KIF5C: variants seen among roughly 807,000 people sequenced by gnomAD.
The protein encoded by KIF5C is kinesin family member 5C.
KIF5C carries 18 observed loss-of-function variants against 125.2 expected under a neutral mutation model. That is an observed-to-expected ratio of 0.14 (90% CI 0.10 to 0.21). KIF5C has a LOEUF of 0.21. Ranked by LOEUF, KIF5C falls within the 10% of genes least tolerant of loss-of-function variation. The pLI is 1.00. For synonymous variants in KIF5C, 405 were observed against 434.0 expected (o/e 0.93, Z 0.83); for missense variants, 780 against 1,183.8 (o/e 0.66, Z 5.01).
At chr2:148,978,530 A>C in intron 12 of KIF5C, among the ~76,000 whole-genome samples, 1 of 152,076 alleles carries the variant, frequency 6.6e-6, no homozygotes, top group East Asian at 1.9e-4. Context: ...TTGGGATAAT[A>C]ACATATGACA....
chr2:148,959,348 G>T, intron 10 of KIF5C, among the ~76,000 whole-genome samples: 1 of 151,720 alleles, frequency 6.6e-6, no homozygotes, highest in African/African-American at 2.4e-5. Flanking sequence ...AACTGTCCTT[G>T]CTATTCTTTT....
rs907040933 is a variant in KIF5C at position 148,875,893 on chromosome 2, C to T, written c.126+150C>T. 2.5e-6 allele frequency: 3 copies of T among 1,197,396 alleles called. No homozygotes were observed. The African/African-American group carries it at 4.8e-5, about 19-fold the overall frequency. The allele number at this position is 1,197,396 out of a possible 1,614,324, so 74.2% of individuals were successfully genotyped here. A position where few individuals can be genotyped will look rare whatever the true frequency, so the allele number is the denominator to read the frequency against. On this transcript the variant is annotated intron_variant, in intron 1 of 25. Transcript: ENST00000435030. ...GTGGACCTGACCAGAGACCCCTCGC[C>T]CCGCGCACTATGGTTCCCTCCCGGG...
rs773226911 is a variant in KIF5C at position 148,875,720 on chromosome 2, G to A, written c.103G>A (p.Gly35Ser). Reference protein sequence around the residue: ...RGDKFIPKFKGDETVVIGQGK... With the variant: ...RGDKFIPKFKSDETVVIGQGK... ...GGACAAATTCATCCCCAAATTTAAA[G>A]GCGATGAGACCGTGGTGATCGGGGT... Residue 35 changes from glycine to serine, a missense_variant, in exon 1 of 26, where the codon GGC (glycine) becomes AGC (serine). By Grantham distance (56) the Gly-to-Ser change is moderately conservative (BLOSUM62 0). Coordinates refer to ENST00000435030, the MANE Select transcript of KIF5C (RefSeq NM_004522.3). 17 of 1,604,468 alleles carry A rather than the reference G, an allele frequency of 1.1e-5. No individual in the cohort carries two copies. The East Asian group carries it at 3.8e-4, about 36-fold the overall frequency.
intron 17 of KIF5C, 109 bp from the exon 18 acceptor site, chr2:148,997,155 T>A (rs1158424831): frequency 1.4e-6 from 2 of 1,469,156 alleles, no homozygotes; most frequent in African/African-American, 2.8e-5. Flanking sequence ...TGATATAAGC[T>A]GATGTTTCAC....
At chr2:148,992,206 A>G (rs960085941) in intron 16 of KIF5C, among the ~76,000 whole-genome samples, 1 of 152,244 alleles carries the variant, frequency 6.6e-6, no homozygotes, top group Non-Finnish European at 1.5e-5. Context: ...GTTCCATTTT[A>G]TAACCAGCAT....
intron 17 of KIF5C, among the ~76,000 whole-genome samples, chr2:148,995,957 C>G (rs1164044381): frequency 6.6e-6 from 1 of 152,032 alleles, no homozygotes; most frequent in African/African-American, 2.4e-5. Flanking sequence ...GAGTTCGAGA[C>G]CAGCCTGGCC....
intron 1 of KIF5C, among the ~76,000 whole-genome samples, chr2:148,892,274 A>G (rs368535084): frequency 2.9e-4 from 44 of 152,296 alleles, no homozygotes; most frequent in African/African-American, 1.1e-3. Flanking sequence ...TCTTTGAGAT[A>G]TTACCTGATA....
chr2:148,964,666 T>G (rs1256697413), intron 11 of KIF5C, among the ~76,000 whole-genome samples: 1 of 151,762 alleles, frequency 6.6e-6, no homozygotes, highest in African/African-American at 2.4e-5. Context: ...ATGTAGAGAT[T>G]AGTATCTGTG....
At chr2:148,973,718 T>C (rs577841210) in intron 12 of KIF5C, among the ~76,000 whole-genome samples, 2 of 152,228 alleles carry the variant, frequency 1.3e-5, no homozygotes, top group African/African-American at 4.8e-5. Flanking sequence ...GAAAAAGCAG[T>C]GTGTTGGCCT....
intron 11 of KIF5C, among the ~76,000 whole-genome samples, chr2:148,971,502 G>A (rs1680908616): frequency 6.6e-6 from 1 of 152,158 alleles, no homozygotes; most frequent in African/African-American, 2.4e-5. Context: ...GGAACTGAAT[G>A]AAATATTGAT....
At chr2:148,969,092 G>C (rs566443908) in intron 11 of KIF5C, among the ~76,000 whole-genome samples, 1 of 152,198 alleles carries the variant, frequency 6.6e-6, no homozygotes, top group South Asian at 2.1e-4. Flanking sequence ...TTTCATGTGT[G>C]AAGTTTTAAT....
intron 12 of KIF5C, among the ~76,000 whole-genome samples, chr2:148,978,348 T>G (rs1182101814): frequency 1.4e-5 from 2 of 148,082 alleles, no homozygotes; most frequent in Non-Finnish European, 3.0e-5. Flanking sequence ...TTTTTTTTTT[T>G]TTTTTTTTTT....
intron 15 of KIF5C, among the ~76,000 whole-genome samples, chr2:148,986,099 A>G (rs960705960): frequency 6.6e-6 from 1 of 152,246 alleles, no homozygotes; most frequent in Admixed American, 6.5e-5. Flanking sequence ...TGGGAAGTTG[A>G]TGCTTGCTGC....
Position 148,988,169 on chromosome 2 carries a change from A to T in KIF5C, c.1717-2841A>T, listed in dbSNP as rs565626800. ...CAGCAAACTGATTTTTTTTTTTTTTAAATAACAGTGTCCTGAAATTACTGG... is the reference window on the plus strand; with the variant it reads ...CAGCAAACTGATTTTTTTTTTTTTTTAATAACAGTGTCCTGAAATTACTGG... On this transcript the variant is annotated intron_variant, in intron 15 of 25. Transcript: ENST00000435030. Among the ~76,000 whole-genome samples the T allele has an allele frequency of 2.3e-3, 348 of 149,632 alleles. 3 individuals are homozygous for T. Among genetic ancestry groups the T allele is most frequent in the Middle Eastern group, 6.8e-3 (2 of 292 alleles).
chr2:148,984,974 A>T (rs938768663), intron 15 of KIF5C, among the ~76,000 whole-genome samples: 2 of 151,630 alleles, frequency 1.3e-5, no homozygotes, highest in African/African-American at 2.4e-5. Flanking sequence ...TATTATTATT[A>T]TTTTTTTAAG....
At chr2:148,881,442 A>G (rs1409850240) in intron 1 of KIF5C, among the ~76,000 whole-genome samples, 1 of 151,552 alleles carries the variant, frequency 6.6e-6, no homozygotes, top group African/African-American at 2.4e-5. Flanking sequence ...TTTTAATTAA[A>G]TTTTTGTCTC....
At chr2:148,908,894 A>T (rs1361515346) in intron 1 of KIF5C, among the ~76,000 whole-genome samples, 5 of 152,256 alleles carry the variant, frequency 3.3e-5, no homozygotes, top group Admixed American at 3.3e-4. Context: ...ATAAGATGGA[A>T]TGAATCCGTG....
chr2:148,915,666 A>C (rs762886596), intron 1 of KIF5C, among the ~76,000 whole-genome samples: 3 of 152,210 alleles, frequency 2.0e-5, no homozygotes, highest in Non-Finnish European at 4.4e-5. Context: ...TTGGGAGCAA[A>C]ATGTCTTGAA....
chr2:149,016,451 C>T (rs1304986280), intron 25 of KIF5C, among the ~76,000 whole-genome samples: 1 of 152,068 alleles, frequency 6.6e-6, no homozygotes, highest in Non-Finnish European at 1.5e-5. Flanking sequence ...TGAGTCAGTG[C>T]CTGCTTAGAG....
Sources: gnomAD v4.1 joint callset for allele counts (sites outside exome capture counted in the v4.1 genomes callset) on GRCh38, gnomAD v4.1.1 for gene constraint, MANE v1.5 for transcripts, NCBI Gene and HGNC (gene_info 2026-07-23, HGNC 2026-07-21) for gene names.